Variants in ATG7 observed in about 807,000 individuals in gnomAD.
ATG7 encodes ubiquitin-like modifier-activating enzyme ATG7.
In ATG7, 70 loss-of-function variants were observed where a neutral mutation model predicts 82.4. That is an observed-to-expected ratio of 0.85 (90% CI 0.70 to 1.04). The LOEUF (loss-of-function observed/expected upper bound fraction) is 1.04. Among genes scored for constraint, ATG7 ranks in the 50% least tolerant of loss-of-function variants. The probability of loss-of-function intolerance (pLI) is 0.00; values close to 1 mark genes in which losing one functional copy is unlikely to be tolerated. For missense variants in ATG7, 792 were observed against 864.3 expected, an observed-to-expected ratio of 0.92 and a Z score of 1.05; for synonymous variants, 287 against 313.0, an observed-to-expected ratio of 0.92 and a Z score of 0.88.
chr3:11,452,251 G>A (rs2442771), intron 20 of ATG7, among the ~76,000 whole-genome samples: 33,084 of 151,632 alleles, frequency 0.22, 4,084 homozygotes, highest in South Asian at 0.36. Context: ...TGGGCATGGT[G>A]GCACATGCCT....
chr3:11,561,955 A>G (rs1335912241), downstream of ATG7, among the ~76,000 whole-genome samples: 2 of 140,946 alleles, frequency 1.4e-5, no homozygotes, highest in African/African-American at 5.4e-5. Context: ...GCTGGAGTGC[A>G]GTGACGCGAT....
At chr3:11,573,239 G>T in the ATG7 span, among the ~76,000 whole-genome samples, 159 of 71,082 alleles carry the variant, frequency 2.2e-3, 4 homozygotes, top group Admixed American at 2.8e-3. Flanking sequence ...AGAAAGAAAA[G>T]AAATAGAGAA....
intron 20 of ATG7, among the ~76,000 whole-genome samples, chr3:11,500,125 C>T (rs548587340): frequency 6.6e-6 from 1 of 152,214 alleles, no homozygotes; most frequent in South Asian, 2.1e-4. Context: ...AATTCCCTTC[C>T]AGGGCTAATG....
At chr3:11,395,602 A>T (rs2079145677) in intron 19 of ATG7, among the ~76,000 whole-genome samples, 2 of 152,174 alleles carry the variant, frequency 1.3e-5, no homozygotes, top group Admixed American at 1.3e-4. Flanking sequence ...GTGCTGAAGG[A>T]AAGAAACGCA....
intron 5 of ATG7, among the ~76,000 whole-genome samples, chr3:11,306,732 A>G (rs1947808282): frequency 6.6e-6 from 1 of 152,214 alleles, no homozygotes; most frequent in Non-Finnish European, 1.5e-5. Context: ...AGGTTAGAGT[A>G]TAGGGAATAT....
chr3:11,430,600 A>G (rs2082785465), intron 20 of ATG7, among the ~76,000 whole-genome samples: 1 of 152,224 alleles, frequency 6.6e-6, no homozygotes, highest in South Asian at 2.1e-4. Flanking sequence ...TGTTTATAAA[A>G]TACGTGTTTA....
intron 19 of ATG7, among the ~76,000 whole-genome samples, chr3:11,381,311 C>A (rs1350824498): frequency 6.7e-6 from 1 of 148,410 alleles, no homozygotes; most frequent in Admixed American, 6.8e-5. Context: ...TTTTTTTTTT[C>A]TTTGAATGGT....
chr3:11,461,810 A>G (rs1259056304), intron 20 of ATG7, among the ~76,000 whole-genome samples: 1 of 152,034 alleles, frequency 6.6e-6, no homozygotes, highest in African/African-American at 2.4e-5. Context: ...GCGGATCACG[A>G]GGTCAGGAGA....
At chr3:11,450,608 A>G (rs966363396) in intron 20 of ATG7, among the ~76,000 whole-genome samples, 7 of 152,194 alleles carry the variant, frequency 4.6e-5, no homozygotes, top group Non-Finnish European at 1.5e-5. Flanking sequence ...TGTTCACCTC[A>G]TGGAGCTGTG....
the ATG7 span, among the ~76,000 whole-genome samples, chr3:11,571,183 T>A: frequency 3.3e-4 from 51 of 152,256 alleles, no homozygotes; most frequent in African/African-American, 1.2e-3. Context: ...CTGGCTTCAA[T>A]AGCGGGGTCC....
At chr3:11,478,440 A>G (rs2088517985) in intron 20 of ATG7, among the ~76,000 whole-genome samples, 1 of 152,212 alleles carries the variant, frequency 6.6e-6, no homozygotes, top group Non-Finnish European at 1.5e-5. Flanking sequence ...AGACTGGCGC[A>G]TATTAAAGAT....
At chr3:11,324,421 C>T (rs1950588572) in intron 9 of ATG7, among the ~76,000 whole-genome samples, 1 of 152,140 alleles carries the variant, frequency 6.6e-6, no homozygotes, top group African/African-American at 2.4e-5. Flanking sequence ...AAATGATGTT[C>T]AGCTTAGTGT....
intron 19 of ATG7, among the ~76,000 whole-genome samples, chr3:11,388,333 C>T (rs950919175): frequency 1.3e-5 from 2 of 152,086 alleles, no homozygotes. Context: ...ACTAACTCTC[C>T]TCAGAGTTCA....
chr3:11,508,674 C>T (rs1163039231), intron 20 of ATG7, among the ~76,000 whole-genome samples: 1 of 152,178 alleles, frequency 6.6e-6, no homozygotes, highest in African/African-American at 2.4e-5. Flanking sequence ...TGGTCTCCAA[C>T]TCTTGGGCTC....
At chr3:11,372,331 A>G (rs1368371105) in intron 18 of ATG7, among the ~76,000 whole-genome samples, 4 of 150,988 alleles carry the variant, frequency 2.6e-5, no homozygotes, top group East Asian at 1.9e-4. Flanking sequence ...AGACGTTTCT[A>G]TGGAACACTA....
At chr3:11,290,051 G>C (rs1434647053) in intron 3 of ATG7, among the ~76,000 whole-genome samples, 3 of 152,182 alleles carry the variant, frequency 2.0e-5, no homozygotes, top group Non-Finnish European at 2.9e-5. Flanking sequence ...GCAGTCTATA[G>C]TATAGACCGG....
intron 20 of ATG7, among the ~76,000 whole-genome samples, chr3:11,501,319 A>T (rs2091300644): frequency 6.6e-6 from 1 of 152,248 alleles, no homozygotes; most frequent in South Asian, 2.1e-4. Context: ...CAAGAAAATT[A>T]ACCCAGGGAT....
chr3:11,321,333 G>A (rs1950188130), intron 9 of ATG7, among the ~76,000 whole-genome samples: 1 of 152,158 alleles, frequency 6.6e-6, no homozygotes, highest in Non-Finnish European at 1.5e-5. Context: ...GTGAAGCCTT[G>A]GCTGACTATG....
At chr3:11,520,324 G>A (rs1448793531) in intron 20 of ATG7, among the ~76,000 whole-genome samples, 1 of 152,148 alleles carries the variant, frequency 6.6e-6, no homozygotes, top group Non-Finnish European at 1.5e-5. Context: ...TCAAATGTCC[G>A]AAAGGCCATT....
Sources: allele counts gnomAD v4.1 joint callset (sites outside exome capture counted in the v4.1 genomes callset), GRCh38; gene constraint gnomAD v4.1.1; transcripts MANE v1.5; gene names NCBI Gene and HGNC (gene_info 2026-07-23, HGNC 2026-07-21).